PRX: variants seen among roughly 807,000 people sequenced by gnomAD.
PRX encodes the protein periaxin.
In PRX, 24 loss-of-function variants were observed where a neutral mutation model predicts 29.6. That is an observed-to-expected ratio of 0.81 (90% confidence interval 0.59 to 1.14). The LOEUF (loss-of-function observed/expected upper bound fraction) is 1.14. Among genes scored for constraint, PRX ranks in the 50% most tolerant of loss-of-function variants. The pLI, the probability that PRX is intolerant of heterozygous loss-of-function variation, is 0.00. For synonymous variants in PRX, 772 were observed against 831.7 expected (o/e 0.93, Z 1.24); for missense variants, 1,838 against 1,926.4 (o/e 0.95, Z 0.86).
intron 1 of PRX, among the ~76,000 whole-genome samples, chr19:40,409,453 A>ATTATTCTTATTCTTATTC (rs1435513381): frequency 1.1e-4 from 15 of 135,100 alleles, no homozygotes; most frequent in African/African-American, 4.0e-4. Flanking sequence ...AATACTTGCT[A>ATTATTCTTATTCTTATTC]TTATTATTAT....
In PRX at chr19:40,393,883, G is replaced by A; in HGVS notation, c.*83C>T. The A allele has an allele frequency of 6.3e-7, 1 of 1,594,882 alleles. No homozygotes were observed. Among genetic ancestry groups the A allele is most frequent in the Non-Finnish European group, 8.5e-7 (1 of 1,176,890 alleles). On this transcript the variant is annotated 3_prime_UTR_variant, in exon 7 of 7. Transcript: ENST00000324001. ...AGTCACCCACCTCCCGGCCCTCTTA[G>A]GGTTAGTGCTAGTTATCACACACAC...
chr19:40,404,828 C>T (rs901298944), intron 4 of PRX, among the ~76,000 whole-genome samples: 9 of 152,150 alleles, frequency 5.9e-5, no homozygotes, highest in African/African-American at 2.2e-4. Flanking sequence ...CCTGTCTCAG[C>T]CTCCCAAAGC....
rs1346337009 is a variant in PRX, at chr19:40,398,062, G to A, written c.382-92C>T. 1 of 1,486,210 alleles carries A rather than the reference G, an allele frequency of 6.7e-7. No homozygotes were observed. The highest frequency in any genetic ancestry group is 2.5e-5 in the East Asian group (1 of 40,782). 92.1% of individuals were successfully genotyped at this position (1,486,210 alleles called of 1,614,324 possible). ...CCCACCTGGTATTGGACCAGGCGGG[G>A]GATGTGCTGGGTCAAGTATCTTGTT... On this transcript the variant is annotated intron_variant, in intron 6 of 6. Transcript: ENST00000324001. This position sits in a 1 kb window ranked among gnomAD's most constrained non-coding sequence, Gnocchi z 6.3.
intron 5 of PRX, among the ~76,000 whole-genome samples, chr19:40,403,027 G>A (rs750802224): frequency 2.0e-5 from 3 of 151,940 alleles, no homozygotes; most frequent in Non-Finnish European, 2.9e-5. Context: ...AAAATTAGCC[G>A]GGCGTGGTGG....
rs1471381235 is a variant in PRX at position 40,398,257 on chromosome 19, A to G, written c.382-287T>C. The G allele has an allele frequency of 2.8e-6, 4 of 1,413,282 alleles. No individual in the cohort carries two copies. The highest frequency in any genetic ancestry group is 9.2e-7 in the Non-Finnish European group (1 of 1,088,296). The allele number at this position is 1,413,282 out of a possible 1,614,324, so 87.5% of individuals were successfully genotyped here. A position where few individuals can be genotyped will look rare whatever the true frequency, so the allele number is the denominator to read the frequency against. On this transcript the variant is annotated intron_variant, in intron 6 of 6. Transcript: ENST00000324001. The surrounding 1 kb of genome is among the most constrained non-coding windows in gnomAD (Gnocchi z 6.3). The stretch of plus-strand genomic sequence containing the variant: ...CAACATCCTCATTCTAGAGATGGGG[A>G]AACTGAGGCCCAGGGAGAGAAACAA...
At chr19:40,408,528 T>C (rs1351741760) in intron 1 of PRX, 145 bp from the exon 2 acceptor site, 2 of 160,966 alleles carry the variant, frequency 1.2e-5, no homozygotes, top group Non-Finnish European at 2.8e-5. Context: ...CCAGGATGAC[T>C]CAGCTGGACA....
chr19:40,411,689 G>C (rs2079559482), intron 1 of PRX, among the ~76,000 whole-genome samples: 2 of 152,166 alleles, frequency 1.3e-5, no homozygotes, highest in African/African-American at 4.8e-5. Flanking sequence ...GGTGGGGGCA[G>C]CTTCGGAAGG....
Position 40,403,726 on chromosome 19 carries a change from C to T in PRX, c.164G>A (p.Arg55Lys), listed in dbSNP as rs773586301. The stretch of plus-strand genomic sequence containing the variant: ...CCCACCTTCCTGCAGGCTGAGGCTC[C>T]TGGCGGCGGGTGAGTCCTCGCGCAG... ...RELREDSPAA[R>K]SLSLQEGDQL... is the part of the protein sequence containing the mutation. The change falls in exon 5 of 7, where the codon AGG becomes AAG. Residue 55 changes from arginine (R) to lysine (K), a missense_variant. Around this residue, in one of 3 missense-constraint regions of PRX, gnomAD observed 666 missense variants for 665.0 expected, o/e 1.00. Transcript: ENST00000324001. The T allele has an allele frequency of 3.2e-6, 5 of 1,565,128 alleles. No individual in the cohort carries two copies. Among genetic ancestry groups the T allele is most frequent in the South Asian group, 1.2e-5 (1 of 85,452 alleles).
At position 40,394,058 on chromosome 19, in the gene PRX, C is replaced by T; in HGVS notation, c.4294G>A (p.Gly1432Arg). The T allele has an allele frequency of 4.3e-6, 7 of 1,612,404 alleles. No homozygotes were observed. Among genetic ancestry groups the T allele is most frequent in the Non-Finnish European group, 5.1e-6 (6 of 1,178,762 alleles). The change falls in exon 7 of 7, where the codon GGA becomes AGA. Residue 1432 changes from glycine to arginine, a missense_variant. By Grantham distance (125) the Gly-to-Arg change is moderately radical (BLOSUM62 -2). Transcript: ENST00000324001. This position sits in a 1 kb window ranked among gnomAD's most constrained non-coding sequence, Gnocchi z 5.8. Reference protein sequence around the residue: ...RSGSGDQEEGGLRVRLPSVGF... With the variant: ...RSGSGDQEEGRLRVRLPSVGF... The stretch of plus-strand genomic sequence containing the variant: ...ACGCTGGGCAGCCGCACCCGCAATC[C>T]ACCCTCTTCCTGGTCCCCACTCCCA...
At position 40,394,452 on chromosome 19, in the gene PRX, G is replaced by C. The variant is rs757223803; in HGVS notation, c.3900C>G (p.Ala1300=). Residue 1300 remains alanine (A), a synonymous_variant, in exon 7 of 7, where the codon GCC becomes GCG. Coordinates refer to ENST00000324001, the MANE Select transcript of PRX (RefSeq NM_181882.3). The surrounding 1 kb of genome is among the most constrained non-coding windows in gnomAD (Gnocchi z 5.8). ...EYQVAEGEGE[A]GHKLKVRLPR... ...GCAGCCGTACCTTGAGCTTGTGTCC[G>C]GCCTCTCCCTCCCCCTCTGCCACCT... is the stretch of plus-strand genomic sequence containing the variant. 6.2e-7 allele frequency: 1 copy of C among 1,601,784 alleles called. No individual in the cohort carries two copies. The highest frequency in any genetic ancestry group is 8.5e-7 in the Non-Finnish European group (1 of 1,174,442).
chr19:40,395,453 G>A lies in PRX; in HGVS notation c.2899C>T (p.Pro967Ser), dbSNP rs376423497. The A allele has an allele frequency of 8.7e-6, 14 of 1,614,028 alleles. No homozygotes were observed. Among genetic ancestry groups the A allele is most frequent in the Non-Finnish European group, 1.2e-5 (14 of 1,179,998 alleles). ...LKVSKFAISL[P>S]KARVGAEAEA... ...GCCTCAGCCCCCACCCGAGCCTTGG[G>A]GAGTGAGATGGCAAATTTGGATACC... Residue 967 changes from proline (P) to serine (S), a missense_variant, in exon 7 of 7, where the codon CCC (proline) becomes TCC (serine). Pro to Ser is a moderately conservative substitution (Grantham distance 74, BLOSUM62 -1). Transcript: ENST00000324001.
chr19:40,414,654 C>T (rs1028804868), upstream of PRX, among the ~76,000 whole-genome samples: 1 of 152,116 alleles, frequency 6.6e-6, no homozygotes, highest in Non-Finnish European at 1.5e-5. Context: ...AGGCCTCACC[C>T]CCAACCCCTG....
chr19:40,411,700 A>G (rs1047264346), intron 1 of PRX, among the ~76,000 whole-genome samples: 10 of 152,118 alleles, frequency 6.6e-5, no homozygotes, highest in Non-Finnish European at 1.2e-4. Flanking sequence ...CTTCGGAAGG[A>G]AACCCACAGA....
rs149093940 is a variant in PRX at position 40,393,986 on chromosome 19, C to A, written c.4366G>T (p.Ala1456Ser). Reference protein sequence around the residue: ...GAPGPARMEGAQAAAV With the variant: ...GAPGPARMEGSQAAAV ...GGGCTTCAGACAGCCGCAGCCTGAG[C>A]CCCCTCCATCCTGGCCGGGCCTGGA... Residue 1456 changes from alanine (A) to serine (S), a missense_variant, in exon 7 of 7, where the codon GCT (alanine) becomes TCT (serine). By Grantham distance (99) the Ala-to-Ser change is moderately conservative. Coordinates refer to ENST00000324001, the MANE Select transcript of PRX (RefSeq NM_181882.3). 3.7e-6 allele frequency: 6 copies of A among 1,612,924 alleles called. No homozygotes were observed. The highest frequency in any genetic ancestry group is 5.1e-6 in the Non-Finnish European group (6 of 1,179,858).
In PRX at chr19:40,394,667, G is replaced by A. The variant is rs749769987; in HGVS notation, c.3685C>T (p.Arg1229Ter). The A allele has an allele frequency of 9.9e-6, 16 of 1,608,752 alleles. No homozygotes were observed. The highest frequency in any genetic ancestry group is 8.8e-5 in the South Asian group (8 of 91,068). The change falls in exon 7 of 7, where the codon CGA becomes TGA. Residue 1229 changes from arginine to a stop codon, truncating the protein, a stop_gained. Transcript: ENST00000324001. LOFTEE classifies it high-confidence loss of function. This position sits in a 1 kb window ranked among gnomAD's most constrained non-coding sequence, Gnocchi z 5.8. ...PQLELDVGLS[R>*]EAQAGEAATG... Reference sequence around the variant, plus strand: ...GCCGCCTCGCCCGCCTGTGCCTCTCGGCTTAGCCCCACGTCCAGCTCAAGC... The same window carrying A: ...GCCGCCTCGCCCGCCTGTGCCTCTCAGCTTAGCCCCACGTCCAGCTCAAGC...
At position 40,398,500 on chromosome 19, in the gene PRX, C is replaced by G; in HGVS notation, c.381+120G>C. 6.4e-7 allele frequency: 1 copy of G among 1,560,606 alleles called. No individual in the cohort carries two copies. On this transcript the variant is annotated intron_variant, in intron 6 of 6. Transcript: ENST00000324001. This position sits in a 1 kb window ranked among gnomAD's most constrained non-coding sequence, Gnocchi z 6.3. ...AGGAAGGGGCAGAGGGTGGAATTAG[C>G]TTGGGTTAGTGACAAGACAGAGGGC...
rs769156028 is a variant in PRX, at chr19:40,395,299, C to T, written c.3053G>A (p.Gly1018Glu). The T allele has an allele frequency of 1.2e-6, 2 of 1,613,522 alleles. No homozygotes were observed. Among genetic ancestry groups the T allele is most frequent in the East Asian group, 2.2e-5 (1 of 44,868 alleles). ...AAACTTGGGGAGAGCAAACCTGGGC[C>T]CCTTGAACTTGAGGTCGGCCCCTGC... ...EVAGADLKFK[G>E]PRFALPKFGV... The change falls in exon 7 of 7, where the codon GGG becomes GAG. Residue 1018 changes from glycine to glutamate, a missense_variant. Physicochemically the swap from Gly to Glu is moderately conservative, Grantham distance 98. Transcript: ENST00000324001.
chr19:40,407,395 TG>T, intron 4 of PRX: 2 of 174,174 alleles, frequency 1.1e-5, no homozygotes, highest in African/African-American at 4.8e-5. Context: ...CTCAACCTCC[TG>T]GGTTCAGGTG....
rs1393111328 is a variant in PRX, at chr19:40,395,161, G to A, written c.3191C>T (p.Pro1064Leu). ...CTTCCCTCGAGCCAGCCCAAAGGAA[G>A]GCATCTTCAGCTTGGGCATCTTCAC... ...GRVKMPKLKM[P>L]SFGLARGKEA... Residue 1064 changes from proline to leucine, a missense_variant, in exon 7 of 7, where the codon CCT (proline) becomes CTT (leucine). By Grantham distance (98) the Pro-to-Leu change is moderately conservative. Transcript: ENST00000324001. The A allele has an allele frequency of 1.9e-6, 3 of 1,614,170 alleles. No individual in the cohort carries two copies. The highest frequency in any genetic ancestry group is 2.5e-6 in the Non-Finnish European group (3 of 1,180,020).
Sources: gnomAD v4.1 joint callset for allele counts (sites outside exome capture counted in the v4.1 genomes callset) on GRCh38, gnomAD v4.1.1 for gene constraint, gnomAD v4.1.1 regional missense constraint, Gnocchi (gnomAD v3.1) non-coding constraint, MANE v1.5 for transcripts, NCBI Gene and HGNC (gene_info 2026-07-23, HGNC 2026-07-21) for gene names.